MAGI2: variants seen among roughly 807,000 people sequenced by gnomAD.
The protein encoded by MAGI2 is membrane-associated guanylate kinase, WW and PDZ domain-containing protein 2.
Under a neutral mutation model 133.3 loss-of-function variants are expected in MAGI2, and 35 were observed. The observed-to-expected ratio is 0.26, with a 90% confidence interval of 0.20 to 0.35. MAGI2 has a LOEUF of 0.35. MAGI2 is among the 10% of genes least tolerant of loss of function. MAGI2 has a pLI of 1.00. For missense variants in MAGI2, 1,636 were observed against 1,863.4 expected (o/e 0.88, Z 2.25); for synonymous variants, 729 against 710.6 (o/e 1.03, Z -0.41).
intron 2 of MAGI2, among the ~76,000 whole-genome samples, chr7:78,739,900 T>C (rs1563436460): frequency 6.6e-6 from 1 of 152,154 alleles, no homozygotes; most frequent in Non-Finnish European, 1.5e-5. Context: ...GGCTCACGCC[T>C]GTAATCCCAG....
intron 3 of MAGI2, among the ~76,000 whole-genome samples, chr7:78,600,692 T>A (rs1365070148): frequency 1.3e-5 from 2 of 152,114 alleles, no homozygotes; most frequent in Non-Finnish European, 2.9e-5. Flanking sequence ...AATTAAAGCA[T>A]CGGTGAATTT....
At chr7:78,655,047 G>A (rs943535653) in intron 2 of MAGI2, among the ~76,000 whole-genome samples, 9 of 151,620 alleles carry the variant, frequency 5.9e-5, no homozygotes, top group African/African-American at 1.7e-4. Flanking sequence ...TTACCCTGAT[G>A]TGACTTTTAT....
intron 1 of MAGI2, among the ~76,000 whole-genome samples, chr7:79,033,059 C>T (rs1015766618): frequency 2.0e-5 from 3 of 152,130 alleles, no homozygotes; most frequent in Non-Finnish European, 2.9e-5. Flanking sequence ...GAACCACAGT[C>T]CAGGTTTAGA....
chr7:78,979,317 G>C (rs1168593827), intron 2 of MAGI2, among the ~76,000 whole-genome samples: 3 of 151,712 alleles, frequency 2.0e-5, no homozygotes, highest in African/African-American at 7.2e-5. Flanking sequence ...GGAGCATCTT[G>C]ATTTTCCAGA....
intron 10 of MAGI2, among the ~76,000 whole-genome samples, chr7:78,209,221 CAAAA>C (rs370809243): frequency 4.7e-4 from 5 of 10,626 alleles, no homozygotes; most frequent in Non-Finnish European, 6.5e-4. Context: ...GACTCTGTCT[CAAAA>C]AAAAAAAAAA....
intron 6 of MAGI2, among the ~76,000 whole-genome samples, chr7:78,461,425 T>TGTG (rs1790005425): frequency 6.7e-6 from 1 of 150,224 alleles, no homozygotes; most frequent in African/African-American, 2.5e-5. Flanking sequence ...TGTGTGTGTG[T>TGTG]TGGGATATAT....
intron 2 of MAGI2, among the ~76,000 whole-genome samples, chr7:78,785,284 A>G (rs1563503157): frequency 1.3e-5 from 2 of 152,240 alleles, no homozygotes; most frequent in Non-Finnish European, 2.9e-5. Context: ...TTAAAAGTCA[A>G]TTAGATTTAT....
chr7:78,315,022 T>C (rs1787260534), intron 9 of MAGI2, among the ~76,000 whole-genome samples: 1 of 152,134 alleles, frequency 6.6e-6, no homozygotes, highest in Non-Finnish European at 1.5e-5. Flanking sequence ...GACCAATATT[T>C]GTAATTTTGT....
chr7:78,302,381 G>A (rs1797906396), intron 9 of MAGI2, among the ~76,000 whole-genome samples: 1 of 152,128 alleles, frequency 6.6e-6, no homozygotes, highest in Non-Finnish European at 1.5e-5. Context: ...CGTGGTCACC[G>A]GGTCTGTCAG....
At chr7:78,450,007 A>C (rs1788554513) in intron 6 of MAGI2, among the ~76,000 whole-genome samples, 2 of 152,084 alleles carry the variant, frequency 1.3e-5, no homozygotes, top group African/African-American at 4.8e-5. Flanking sequence ...ATTTTTCTTG[A>C]ATAATTATGA....
chr7:78,872,262 C>CA (rs1313144196), intron 2 of MAGI2, among the ~76,000 whole-genome samples: 59 of 144,592 alleles, frequency 4.1e-4, no homozygotes, highest in Admixed American at 1.4e-3. Flanking sequence ...CTAATAAATG[C>CA]AAAAAAACCT....
chr7:78,227,850 TTGTG>T (rs3085614), intron 10 of MAGI2, among the ~76,000 whole-genome samples: 7,141 of 145,616 alleles, frequency 0.049, 561 homozygotes, highest in African/African-American at 0.17. Flanking sequence ...TCTTACTCAG[TTGTG>T]TGTGTGTGTG....
At chr7:78,082,185 A>G (rs1816047666) in intron 20 of MAGI2, among the ~76,000 whole-genome samples, 1 of 152,226 alleles carries the variant, frequency 6.6e-6, no homozygotes, top group African/African-American at 2.4e-5. Context: ...CTCTGGTCCC[A>G]TACTTGAGTT....
chr7:78,162,512 G>A (rs1414159335), intron 15 of MAGI2, among the ~76,000 whole-genome samples: 76 of 142,104 alleles, frequency 5.3e-4, no homozygotes, highest in African/African-American at 2.0e-3. Context: ...GCGACAGAGC[G>A]AGACTCTGCC....
At chr7:79,268,665 A>C (rs748475830) in intron 1 of MAGI2, among the ~76,000 whole-genome samples, 13 of 152,166 alleles carry the variant, frequency 8.5e-5, no homozygotes, top group Non-Finnish European at 1.8e-4. Context: ...GATTATCTCT[A>C]TGTTTCCCTT....
chr7:78,982,851 A>G (rs1804910571), intron 2 of MAGI2, among the ~76,000 whole-genome samples: 1 of 151,912 alleles, frequency 6.6e-6, no homozygotes, highest in African/African-American at 2.4e-5. Context: ...TGAAAATGGA[A>G]AGGAGAGGCT....
intron 1 of MAGI2, among the ~76,000 whole-genome samples, chr7:79,143,586 G>T (rs529402243): frequency 6.6e-6 from 1 of 152,268 alleles, no homozygotes; most frequent in African/African-American, 2.4e-5. Flanking sequence ...TGCTGATGTA[G>T]ATGATTAAGA....
intron 1 of MAGI2, among the ~76,000 whole-genome samples, chr7:79,018,554 C>A (rs907931390): frequency 2.0e-5 from 3 of 152,112 alleles, no homozygotes; most frequent in Admixed American, 1.3e-4. Context: ...TCAACACTAA[C>A]CTTGAATGTG....
Position 78,427,290 on chromosome 7 carries a change from C to T in MAGI2, c.1046-58077G>A, listed in dbSNP as rs544792720. Reference sequence around the variant, plus strand: ...ATGGACTAAATATTTTAATTAAAAACCCAATATTACCAGGCTGGATAAAAA... The same window carrying T: ...ATGGACTAAATATTTTAATTAAAAATCCAATATTACCAGGCTGGATAAAAA... On this transcript the variant is annotated intron_variant, in intron 6 of 21. Transcript: ENST00000354212. Among the ~76,000 whole-genome samples the T allele has an allele frequency of 8.6e-5, 13 of 152,012 alleles. No homozygotes were observed. In the East Asian group the frequency reaches 2.5e-3, roughly 29 times the overall value.
Sources: gnomAD v4.1 joint callset for allele counts (sites outside exome capture counted in the v4.1 genomes callset) on GRCh38, gnomAD v4.1.1 for gene constraint, MANE v1.5 for transcripts, NCBI Gene and HGNC (gene_info 2026-07-23, HGNC 2026-07-21) for gene names.